Variants in GPC5 observed in about 807,000 individuals in gnomAD.
GPC5 encodes the protein glypican-5.
A neutral mutation model predicts 53.9 loss-of-function variants in GPC5; 47 were observed. The ratio of observed to expected loss-of-function variants is 0.87; its 90% CI spans 0.69 to 1.11. The LOEUF is 1.11. Ranked by LOEUF, GPC5 falls within the 50% of genes most tolerant of loss-of-function variation. The pLI, the probability that GPC5 is intolerant of heterozygous loss-of-function variation, is 0.00. For missense variants in GPC5, 748 were observed against 713.1 expected (o/e 1.05, Z -0.56); for synonymous variants, 286 against 263.3 (o/e 1.09, Z -0.84).
At chr13:91,568,276 A>C (rs931564324) in intron 2 of GPC5, among the ~76,000 whole-genome samples, 1 of 152,192 alleles carries the variant, frequency 6.6e-6, no homozygotes, top group African/African-American at 2.4e-5. Flanking sequence ...TGACATGGGA[A>C]TTTATTAGAA....
intron 7 of GPC5, among the ~76,000 whole-genome samples, chr13:92,568,417 C>T (rs1349473219): frequency 1.3e-5 from 2 of 152,138 alleles, no homozygotes; most frequent in African/African-American, 2.4e-5. Flanking sequence ...TAGTATTGCT[C>T]AGCACGGGAG....
chr13:92,401,083 T>G (rs1875534859), intron 7 of GPC5, among the ~76,000 whole-genome samples: 1 of 152,096 alleles, frequency 6.6e-6, no homozygotes, highest in African/African-American at 2.4e-5. Context: ...GAGCTTTCAG[T>G]GACAGACCTG....
At chr13:92,646,458 T>G (rs1355529953) in intron 7 of GPC5, among the ~76,000 whole-genome samples, 1 of 152,164 alleles carries the variant, frequency 6.6e-6, no homozygotes, top group African/African-American at 2.4e-5. Context: ...ATATGAATCC[T>G]CCACGTTTGT....
chr13:92,606,168 A>C (rs1327294810), intron 7 of GPC5, among the ~76,000 whole-genome samples: 1 of 152,018 alleles, frequency 6.6e-6, no homozygotes, highest in Admixed American at 6.6e-5. Flanking sequence ...TACATGTGCC[A>C]TGTTGGTGTG....
intron 3 of GPC5, among the ~76,000 whole-genome samples, chr13:91,696,343 A>G (rs373158075): frequency 6.6e-6 from 1 of 152,180 alleles, no homozygotes; most frequent in East Asian, 1.9e-4. Context: ...AATATAAATT[A>G]TTACTGATAA....
chr13:91,783,003 A>G lies in GPC5; in HGVS notation c.1280+26583A>G, dbSNP rs1057512508. ...TGTGGCATTGATTTTGAAAAAAAAA[A>G]CTTGAATTATAAATATACAATTTCG... On this transcript the variant is annotated intron_variant, in intron 5 of 7. Transcript: ENST00000377067. Among the ~76,000 whole-genome samples the G allele has an allele frequency of 3.9e-5, 6 of 152,082 alleles. No individual in the cohort carries two copies. In the South Asian group the frequency reaches 8.3e-4, roughly 21 times the overall value.
rs1875476385 is a variant in GPC5, at chr13:92,768,151, T to A, written c.1562-98131T>A. ...TGTATTTCTTTTCTGTTTTCTAACA[T>A]AATTGCAGTTTTTTCATACGTAGAA... On this transcript the variant is annotated intron_variant, in intron 7 of 7. Transcript: ENST00000377067. Among the ~76,000 whole-genome samples, 4 of 152,206 alleles carry A rather than the reference T, an allele frequency of 2.6e-5. No homozygotes were observed. In the South Asian group the frequency reaches 8.3e-4, roughly 31 times the overall value.
intron 7 of GPC5, among the ~76,000 whole-genome samples, chr13:92,813,397 C>A (rs1174102914): frequency 6.6e-6 from 1 of 151,906 alleles, no homozygotes; most frequent in Admixed American, 6.6e-5. Flanking sequence ...CTTGAAAGTT[C>A]TAATATTCTT....
Position 91,693,670 on chromosome 13 carries a change from G to T in GPC5, c.809G>T (p.Cys270Phe). Residue 270 changes from cysteine (C) to phenylalanine (F), a missense_variant, in exon 3 of 8, where the codon TGT (cysteine) becomes TTT (phenylalanine). Coordinates refer to ENST00000377067, the MANE Select transcript of GPC5 (RefSeq NM_004466.6). ...HCQGLALTKP[C>F]MGYCLNVMRG... ...CAAGGCCTGGCGCTCACTAAGCCTT[G>T]TATGGGATACTGCCTCAATGTCATG... The T allele has an allele frequency of 1.2e-6, 2 of 1,614,124 alleles. No individual in the cohort carries two copies. Among genetic ancestry groups the T allele is most frequent in the Non-Finnish European group, 1.7e-6 (2 of 1,180,006 alleles).
chr13:92,638,768 G>A (rs1390657979), intron 7 of GPC5, among the ~76,000 whole-genome samples: 2 of 152,162 alleles, frequency 1.3e-5, no homozygotes, highest in African/African-American at 2.4e-5. Context: ...AGAACAAGGG[G>A]CAGAGTACTC....
intron 2 of GPC5, among the ~76,000 whole-genome samples, chr13:91,600,305 CAG>C (rs67108031): frequency 1.9e-3 from 282 of 146,630 alleles, no homozygotes; most frequent in African/African-American, 6.7e-3. Flanking sequence ...GTTCATTTTA[CAG>C]AGAGAGAGAG....
chr13:91,861,930 T>TA (rs1285295301), intron 5 of GPC5, among the ~76,000 whole-genome samples: 1 of 151,752 alleles, frequency 6.6e-6, no homozygotes, highest in Non-Finnish European at 1.5e-5. Flanking sequence ...ATATACAATG[T>TA]AAAAAACTGA....
chr13:91,955,549 G>T (rs2040065169), intron 6 of GPC5, among the ~76,000 whole-genome samples: 1 of 152,198 alleles, frequency 6.6e-6, no homozygotes, highest in East Asian at 1.9e-4. Flanking sequence ...CCTGGGATTT[G>T]TTGGGAGCCC....
chr13:92,554,505 A>C (rs1176350149), intron 7 of GPC5, among the ~76,000 whole-genome samples: 1 of 151,722 alleles, frequency 6.6e-6, no homozygotes. Flanking sequence ...AGATTAAAAA[A>C]AACATAATAA....
chr13:92,736,515 C>T (rs1028086038), intron 7 of GPC5, among the ~76,000 whole-genome samples: 3 of 151,858 alleles, frequency 2.0e-5, no homozygotes, highest in Admixed American at 1.3e-4. Context: ...ATGCCTCCTC[C>T]TGCCTGACTG....
chr13:91,715,786 C>T (rs1484798785), intron 3 of GPC5, among the ~76,000 whole-genome samples: 1 of 149,048 alleles, frequency 6.7e-6, no homozygotes, highest in African/African-American at 2.5e-5. Context: ...CTCTCTCTCT[C>T]TCTCTCTCTC....
chr13:92,572,076 T>C (rs1455315604), intron 7 of GPC5, among the ~76,000 whole-genome samples: 1 of 152,168 alleles, frequency 6.6e-6, no homozygotes, highest in East Asian at 1.9e-4. Context: ...TGTGAAATCT[T>C]AGGCTATAAA....
chr13:92,733,591 G>T (rs1888864334), intron 7 of GPC5, among the ~76,000 whole-genome samples: 1 of 151,728 alleles, frequency 6.6e-6, no homozygotes, highest in Admixed American at 6.6e-5. Context: ...ATAATGAAAA[G>T]ACAATGATAG....
At chr13:92,672,250 T>C (rs1886778242) in intron 7 of GPC5, among the ~76,000 whole-genome samples, 1 of 152,200 alleles carries the variant, frequency 6.6e-6, no homozygotes, top group Non-Finnish European at 1.5e-5. Flanking sequence ...AATTATGTAT[T>C]AATTTGTCTT....
Sources: gnomAD v4.1 joint callset for allele counts (sites outside exome capture counted in the v4.1 genomes callset) on GRCh38, gnomAD v4.1.1 for gene constraint, MANE v1.5 for transcripts, NCBI Gene and HGNC (gene_info 2026-07-23, HGNC 2026-07-21) for gene names.